Variants in NOP9 observed in about 807,000 individuals in gnomAD.
NOP9 encodes the protein NOP9 nucleolar protein.
NOP9 carries 50 observed loss-of-function variants against 63.0 expected under a neutral mutation model. The ratio of observed to expected loss-of-function variants is 0.79; its 90% CI spans 0.63 to 1.00. The LOEUF (loss-of-function observed/expected upper bound fraction) is 1.00, where lower values mean the gene tolerates loss of function less well. NOP9 is among the 50% of genes least tolerant of loss of function. The pLI, the probability that NOP9 is intolerant of heterozygous loss-of-function variation, is 0.00. For missense variants in NOP9, 758 were observed against 803.0 expected (o/e 0.94, Z 0.68); for synonymous variants, 343 against 332.8 (o/e 1.03, Z -0.33).
At chr14:24,296,908 C>T, upstream of NOP9, 1 of 1,613,858 alleles carries the variant, frequency 6.2e-7, no homozygotes, top group Non-Finnish European at 8.5e-7. Context: ...GATATGAGCT[C>T]ACATTCACAC....
rs750348627 is a variant in NOP9 at position 24,302,233 on chromosome 14, C to A, written c.952C>A (p.Pro318Thr). The A allele has an allele frequency of 1.2e-6, 2 of 1,611,262 alleles. No individual in the cohort carries two copies. The highest frequency in any genetic ancestry group is 8.5e-7 in the Non-Finnish European group (1 of 1,177,632). Reference sequence around the variant, plus strand: ...GCCTGATGCCCTTCTTGTCCCTAGTCCCCTACTGCTATTTCTCCGAGATCA... The same window carrying A: ...GCCTGATGCCCTTCTTGTCCCTAGTACCCTACTGCTATTTCTCCGAGATCA... ...STRGSSVDGS[P>T]LLLFLRDQTS... The change falls in exon 5 of 10, where the codon CCC becomes ACC. Residue 318 changes from proline to threonine, a missense_variant and splice_region_variant. Transcript: ENST00000267425.
At chr14:24,300,961 G>C (rs953578690) in intron 2 of NOP9, 104 bp downstream of exon 2, 10 of 948,536 alleles carry the variant, frequency 1.1e-5, no homozygotes, top group East Asian at 2.6e-5. Flanking sequence ...GAGCTTGACC[G>C]GGAAGAATTA....
At chr14:24,283,793 T>C in the NOP9 span, among the ~76,000 whole-genome samples, 1 of 152,270 alleles carries the variant, frequency 6.6e-6, no homozygotes, top group Non-Finnish European at 1.5e-5. Flanking sequence ...CAGTAGTTAC[T>C]GAATAAAGCC....
At chr14:24,292,900 CAG>C in the NOP9 span, 1 of 1,388,930 alleles carries the variant, frequency 7.2e-7, no homozygotes, top group Non-Finnish European at 9.5e-7. Context: ...GAAGGCTACA[CAG>C]GGTGGGTTAG....
At chr14:24,291,756 T>C in the NOP9 span, 2 of 924,884 alleles carry the variant, frequency 2.2e-6, no homozygotes, top group African/African-American at 1.6e-5. Context: ...AAGCAGGGCC[T>C]GTAGGACCCA....
the NOP9 span, among the ~76,000 whole-genome samples, chr14:24,277,048 G>C: frequency 6.6e-6 from 1 of 152,172 alleles, no homozygotes; most frequent in Admixed American, 6.5e-5. Flanking sequence ...CTGTGGGGGG[G>C]CAGTGGGCAT....
the NOP9 span, among the ~76,000 whole-genome samples, chr14:24,272,469 C>G: frequency 6.6e-6 from 1 of 152,216 alleles, no homozygotes; most frequent in Non-Finnish European, 1.5e-5. Flanking sequence ...CTTAAATACT[C>G]TTTCTCTTCC....
rs2041503740 is a variant in NOP9, at chr14:24,306,268, A to C, written c.*1173A>C. ...TGTGTGACATCCTTGACAATTCCAC[A>C]ACTCCTCCTGCACCTGGTCCCCAGG... On this transcript the variant is annotated 3_prime_UTR_variant, in exon 10 of 10. Transcript: ENST00000267425. The C allele has an allele frequency of 2.1e-5, 32 of 1,546,138 alleles. No individual in the cohort carries two copies. The highest frequency in any genetic ancestry group is 2.7e-5 in the Non-Finnish European group (31 of 1,128,190).
chr14:24,304,232 CT>C lies in NOP9; in HGVS notation c.1603del (p.Ser535LeufsTer2). 1.9e-6 allele frequency: 3 copies of C among 1,614,178 alleles called. No individual in the cohort carries two copies. The highest frequency in any genetic ancestry group is 2.5e-6 in the Non-Finnish European group (3 of 1,180,032). ...TGCTCGATGCCATCCTGACCAGCCC[CT>C]CTGTGACGCGCAAGCTGCGCCGCCG... ...HVLDAILTSP[S>X]VTRKLRRRVL... is the part of the protein sequence containing the mutation. On this transcript the variant is annotated frameshift_variant, in exon 8 of 10. Coordinates refer to ENST00000267425, the MANE Select transcript of NOP9 (RefSeq NM_174913.3). LOFTEE classifies it high-confidence loss of function.
At chr14:24,303,665 T>C (rs1195600604) in intron 6 of NOP9, 67 bp from the exon 7 acceptor site, 1 of 1,525,970 alleles carries the variant, frequency 6.6e-7, no homozygotes, top group East Asian at 2.3e-5. Flanking sequence ...CCTGAAGGTG[T>C]TCCCTTAAAG....
chr14:24,304,845 T>C, intron 9 of NOP9, 93 bp from the exon 10 acceptor site: 1 of 1,382,258 alleles, frequency 7.2e-7, no homozygotes, highest in Non-Finnish European at 9.8e-7. Flanking sequence ...CCAGTGGCAG[T>C]CCCAGGGTCT....
the NOP9 span, among the ~76,000 whole-genome samples, chr14:24,285,919 G>T: frequency 6.6e-6 from 1 of 152,100 alleles, no homozygotes; most frequent in Admixed American, 6.5e-5. Flanking sequence ...AACCCAGGAG[G>T]TGGAGGTGGC....
At chr14:24,295,086 C>T (rs2041227073), upstream of NOP9, among the ~76,000 whole-genome samples, 1 of 152,000 alleles carries the variant, frequency 6.6e-6, no homozygotes, top group African/African-American at 2.4e-5. Context: ...AGTACATATT[C>T]TTTGATCTAA....
chr14:24,278,556 A>G, the NOP9 span, among the ~76,000 whole-genome samples: 3 of 152,178 alleles, frequency 2.0e-5, no homozygotes, highest in African/African-American at 7.2e-5. Context: ...GTCATGTGGT[A>G]TTGAATAGGG....
chr14:24,300,825 A>G lies in NOP9; in HGVS notation c.665A>G (p.Glu222Gly), dbSNP rs1024169489. 1 of 1,613,964 alleles carries G rather than the reference A, an allele frequency of 6.2e-7. No homozygotes were observed. The highest frequency in any genetic ancestry group is 8.5e-7 in the Non-Finnish European group (1 of 1,179,834). The change falls in exon 2 of 10, where the codon GAG becomes GGG. Residue 222 changes from glutamate to glycine, a missense_variant. Physicochemically the swap from Glu to Gly is moderately conservative, Grantham distance 98. Transcript: ENST00000267425. ...TTAGGAGGGACTATTCTGGAGTCTG[A>G]GAGAGCCAGGCCCCGTGGTTCCCAA... Reference protein sequence around the residue: ...QVLGGTILESERARPRGSQSS... With the variant: ...QVLGGTILESGRARPRGSQSS...
chr14:24,304,646 T>A, intron 9 of NOP9, 48 bp downstream of exon 9: 2 of 1,391,590 alleles, frequency 1.4e-6, no homozygotes, highest in Non-Finnish European at 2.0e-6. Flanking sequence ...TCCCCTCTCT[T>A]ACTCCAGATC....
the NOP9 span, among the ~76,000 whole-genome samples, chr14:24,288,878 T>C: frequency 6.6e-6 from 1 of 152,196 alleles, no homozygotes; most frequent in African/African-American, 2.4e-5. Flanking sequence ...TGGGTCTCAC[T>C]CTGTTGCTCA....
chr14:24,302,310 A>T lies in NOP9; in HGVS notation c.1029A>T (p.Arg343Ser). The change falls in exon 5 of 10, where the codon AGA becomes AGT. Residue 343 changes from arginine (R) to serine (S), a missense_variant. Transcript: ENST00000267425. Reference sequence around the variant, plus strand: ...TCCTGCTGGTGTTGGAGCCCCCAAGACTCCAGAGCCTCTTTGAGGAGCACT... The same window carrying T: ...TCCTGCTGGTGTTGGAGCCCCCAAGTCTCCAGAGCCTCTTTGAGGAGCACT... ...EQVLLVLEPP[R>S]LQSLFEEHLQ... The T allele has an allele frequency of 6.2e-7, 1 of 1,613,816 alleles. No individual in the cohort carries two copies. Among genetic ancestry groups the T allele is most frequent in the African/African-American group, 1.3e-5 (1 of 74,918 alleles).
chr14:24,291,765 C>T, the NOP9 span: 1 of 857,002 alleles, frequency 1.2e-6, no homozygotes, highest in Non-Finnish European at 1.9e-6. Context: ...CTGTAGGACC[C>T]AAAGTATTGG....
Sources: gnomAD v4.1 joint callset for allele counts (sites outside exome capture counted in the v4.1 genomes callset) on GRCh38, gnomAD v4.1.1 for gene constraint, MANE v1.5 for transcripts, NCBI Gene and HGNC (gene_info 2026-07-23, HGNC 2026-07-21) for gene names.